Variants in CCDC134 observed in about 807,000 individuals in gnomAD.
CCDC134 encodes coiled-coil domain-containing protein 134.
Under a neutral mutation model 25.6 loss-of-function variants are expected in CCDC134, and 27 were observed. That is an observed-to-expected ratio of 1.05 (90% CI 0.78 to 1.45). The LOEUF (loss-of-function observed/expected upper bound fraction) is 1.45. Ranked by LOEUF, CCDC134 falls within the 40% of genes most tolerant of loss-of-function variation. CCDC134 has a pLI of 0.00. For missense variants in CCDC134, 261 were observed against 286.7 expected, an observed-to-expected ratio of 0.91 and a Z score of 0.65; for synonymous variants, 110 against 115.0, an observed-to-expected ratio of 0.96 and a Z score of 0.28.
At position 41,818,854 on chromosome 22, in the gene CCDC134, A is replaced by G. The variant is rs191860783; in HGVS notation, c.564+5032A>G. On this transcript the variant is annotated intron_variant, in intron 6 of 6. Transcript: ENST00000255784. ...AAGGCCATGGCAGATTGCCTTTCCCAGCAAGGGGTTACCCATGGAGATGCT... is the reference window on the plus strand; with the variant it reads ...AAGGCCATGGCAGATTGCCTTTCCCGGCAAGGGGTTACCCATGGAGATGCT... Among the ~76,000 whole-genome samples the G allele has an allele frequency of 3.0e-4, 45 of 152,344 alleles. No homozygotes were observed. The South Asian group carries it at 8.9e-3, about 30-fold the overall frequency.
At chr22:41,810,330 C>T in intron 4 of CCDC134, 39 bp downstream of exon 4, 1 of 1,553,406 alleles carries the variant, frequency 6.4e-7, no homozygotes. Context: ...TCCGCACCAC[C>T]CGATCTTCTC....
rs2076694582 is a variant in CCDC134 at position 41,829,378 on chromosome 22, T to A, written c.*3555T>A. On this transcript the variant is annotated 3_prime_UTR_variant, in exon 7 of 7. Coordinates refer to ENST00000255784, the MANE Select transcript of CCDC134 (RefSeq NM_024821.5). ...GCATGAAGTTTTTTATGGAGCTGTT[T>A]CTATTTTCTTTTTGGGCAGCCATAC... Among the ~76,000 whole-genome samples, 1 of 152,220 alleles carries A rather than the reference T, an allele frequency of 6.6e-6. No homozygotes were observed. Among genetic ancestry groups the A allele is most frequent in the South Asian group, 2.1e-4 (1 of 4,828 alleles).
rs1405383080 is a variant in CCDC134, at chr22:41,830,930, G to A, written c.*5107G>A. Among the ~76,000 whole-genome samples the A allele has an allele frequency of 7.1e-6, 1 of 141,148 alleles. No homozygotes were observed. Among genetic ancestry groups the A allele is most frequent in the African/African-American group, 2.7e-5 (1 of 36,936 alleles). The allele number at this position is 141,148 out of a possible 152,430, so 92.6% of individuals were successfully genotyped here. On this transcript the variant is annotated 3_prime_UTR_variant, in exon 7 of 7. Coordinates refer to ENST00000255784, the MANE Select transcript of CCDC134 (RefSeq NM_024821.5). ...TTGAGACGCAGTCTCCTGTTGCCCA[G>A]GCTGGAGTGCAATGGCGCGATCTCT...
At chr22:41,808,387 T>A (rs2076578547) in intron 1 of CCDC134, among the ~76,000 whole-genome samples, 1 of 152,008 alleles carries the variant, frequency 6.6e-6, no homozygotes, top group Non-Finnish European at 1.5e-5. Flanking sequence ...CTGCCTGGGC[T>A]TCCTTGACCA....
Position 41,831,052 on chromosome 22 carries a change from A to T in CCDC134, c.*5229A>T, listed in dbSNP as rs1349895263. On this transcript the variant is annotated 3_prime_UTR_variant, in exon 7 of 7. Coordinates refer to ENST00000255784, the MANE Select transcript of CCDC134 (RefSeq NM_024821.5). ...AGGCATGCACCATCACGCCTGGCTA[A>T]TTTTTGTATTTTTAGTAGAGACGGG... Among the ~76,000 whole-genome samples, 2 of 151,528 alleles carry T rather than the reference A, an allele frequency of 1.3e-5. No individual in the cohort carries two copies. Among genetic ancestry groups the T allele is most frequent in the East Asian group, 3.9e-4 (2 of 5,172 alleles).
At chr22:41,811,147 A>G (rs2076594115) in intron 4 of CCDC134, among the ~76,000 whole-genome samples, 1 of 152,050 alleles carries the variant, frequency 6.6e-6, no homozygotes, top group Non-Finnish European at 1.5e-5. Flanking sequence ...TCCAATAGGG[A>G]CTGCTTAGAC....
At chr22:41,803,745 G>A (rs1381027119) in intron 1 of CCDC134, among the ~76,000 whole-genome samples, 1 of 151,736 alleles carries the variant, frequency 6.6e-6, no homozygotes, top group Admixed American at 6.6e-5. Flanking sequence ...TCCAGCTCGG[G>A]CTACAGAGTG....
At chr22:41,802,144 G>A (rs981882304) in intron 1 of CCDC134, among the ~76,000 whole-genome samples, 1 of 151,660 alleles carries the variant, frequency 6.6e-6, no homozygotes. Flanking sequence ...AACCTTCCTC[G>A]GTTTTATTTG....
In CCDC134 at chr22:41,825,341, C is replaced by T. The variant is rs1322670176; in HGVS notation, c.565-357C>T. 1.3e-5 allele frequency among the ~76,000 whole-genome samples: 2 copies of T among 151,952 alleles called. No individual in the cohort carries two copies. Among genetic ancestry groups the T allele is most frequent in the African/African-American group, 4.8e-5 (2 of 41,320 alleles). ...TCTGGCTGACCTCCCTCCTCTCCTC[C>T]TGAAGGGTGCAGCAGGTGTGGGGCT... On this transcript the variant is annotated intron_variant, in intron 6 of 6. Coordinates refer to ENST00000255784, the MANE Select transcript of CCDC134 (RefSeq NM_024821.5). This position sits in a 1 kb window ranked among gnomAD's most constrained non-coding sequence, Gnocchi z 4.4.
At chr22:41,824,896 A>G (rs1777855302) in intron 6 of CCDC134, among the ~76,000 whole-genome samples, 1 of 152,178 alleles carries the variant, frequency 6.6e-6, no homozygotes, top group African/African-American at 2.4e-5. Flanking sequence ...TGGGGGCAGC[A>G]ATAGTAGAGA....
chr22:41,807,278 T>C (rs971029222), intron 1 of CCDC134, among the ~76,000 whole-genome samples: 2 of 152,128 alleles, frequency 1.3e-5, no homozygotes, highest in African/African-American at 4.8e-5. Context: ...AAAAAAGCTA[T>C]AGTAGCCGGG....
At chr22:41,813,471 G>A (rs376462390) in intron 5 of CCDC134, 26 bp downstream of exon 5, 64 of 1,613,198 alleles carry the variant, frequency 4.0e-5, no homozygotes, top group Non-Finnish European at 4.9e-5. Flanking sequence ...GAGGTGGCCC[G>A]GGAGCCCTCT....
At position 41,826,029 on chromosome 22, in the gene CCDC134, G is replaced by A; in HGVS notation, c.*206G>A. 1 of 602,324 alleles carries A rather than the reference G, an allele frequency of 1.7e-6. No individual in the cohort carries two copies. The highest frequency in any genetic ancestry group is 2.9e-6 in the Non-Finnish European group (1 of 344,212). The allele number at this position is 602,324 out of a possible 1,614,324, so 37.3% of individuals were successfully genotyped here. A position where few individuals can be genotyped will look rare whatever the true frequency, so the allele number is the denominator to read the frequency against. On this transcript the variant is annotated 3_prime_UTR_variant, in exon 7 of 7. Coordinates refer to ENST00000255784, the MANE Select transcript of CCDC134 (RefSeq NM_024821.5). ...GATTTTCTCTCAGGGGCCTCCTGCT[G>A]AAGGGGCCTTCAGAGGATTTTATGC...
At chr22:41,812,947 G>T (rs1437199496) in intron 4 of CCDC134, among the ~76,000 whole-genome samples, 1 of 152,176 alleles carries the variant, frequency 6.6e-6, no homozygotes, top group Non-Finnish European at 1.5e-5. Flanking sequence ...GCAGCAAGAT[G>T]TGCCTTTGGG....
chr22:41,813,312 T>C lies in CCDC134; in HGVS notation c.359T>C (p.Leu120Pro). The C allele has an allele frequency of 6.2e-7, 1 of 1,614,204 alleles. No individual in the cohort carries two copies. The highest frequency in any genetic ancestry group is 1.1e-5 in the South Asian group (1 of 91,090). The change falls in exon 5 of 7, where the codon CTG (leucine) becomes CCG (proline). Residue 120 changes from leucine to proline, a missense_variant. Leu to Pro is a moderately conservative substitution (Grantham distance 98). Transcript: ENST00000255784. ...ENTAFFGDVVLRFPRIVHYYF... is the reference protein window; with the variant it reads ...ENTAFFGDVVPRFPRIVHYYF... The stretch of plus-strand genomic sequence containing the variant: ...ACGGCCTTCTTCGGCGATGTGGTGC[T>C]GCGCTTCCCGAGGATTGTGCACTAT...
chr22:41,806,724 T>G (rs976867895), intron 1 of CCDC134, among the ~76,000 whole-genome samples: 1 of 152,114 alleles, frequency 6.6e-6, no homozygotes, highest in Non-Finnish European at 1.5e-5. Flanking sequence ...GTTATGAGTT[T>G]CCATCATATT....
In CCDC134 at chr22:41,813,448, A is replaced by G. The variant is rs1418783720; in HGVS notation, c.492+3A>G. The G allele has an allele frequency of 2.5e-6, 4 of 1,614,018 alleles. No homozygotes were observed. Among genetic ancestry groups the G allele is most frequent in the East Asian group, 4.5e-5 (2 of 44,898 alleles). On this transcript the variant is annotated splice_donor_region_variant and intron_variant, in intron 5 of 6. Transcript: ENST00000255784. Reference sequence around the variant, plus strand: ...CCCACTCGCCCATCCTCAGCCTGGTAAGGACTGGGGTGGAGGTGGCCCGGG... The same window carrying G: ...CCCACTCGCCCATCCTCAGCCTGGTGAGGACTGGGGTGGAGGTGGCCCGGG...
intron 6 of CCDC134, among the ~76,000 whole-genome samples, chr22:41,816,832 T>G (rs573505024): frequency 2.6e-5 from 4 of 152,078 alleles, no homozygotes. Flanking sequence ...GCAGGAGAAT[T>G]GCTTGAACCC....
chr22:41,820,613 T>A (rs1163090901), intron 6 of CCDC134, among the ~76,000 whole-genome samples: 1 of 152,154 alleles, frequency 6.6e-6, no homozygotes, highest in Non-Finnish European at 1.5e-5. Context: ...AGGTTCTGCT[T>A]CTCTTTTGGA....
Sources: allele counts gnomAD v4.1 joint callset (sites outside exome capture counted in the v4.1 genomes callset), GRCh38; gene constraint gnomAD v4.1.1; non-coding constraint Gnocchi (gnomAD v3.1); transcripts MANE v1.5; gene names NCBI Gene and HGNC (gene_info 2026-07-23, HGNC 2026-07-21).